CPNE8: variants seen among roughly 807,000 people sequenced by gnomAD.
The protein encoded by CPNE8 is copine 8, also known as copine-8.
A neutral mutation model predicts 81.5 loss-of-function variants in CPNE8; 45 were observed. The observed-to-expected ratio is 0.55, with a 90% CI of 0.44 to 0.71. The LOEUF (loss-of-function observed/expected upper bound fraction) is 0.71, where lower values mean the gene tolerates loss of function less well. CPNE8 is among the 30% of genes least tolerant of loss of function. The pLI is 0.00. For missense variants in CPNE8, 594 were observed against 672.1 expected (o/e 0.88, Z 1.28); for synonymous variants, 252 against 226.3 (o/e 1.11, Z -1.02).
intron 19 of CPNE8, among the ~76,000 whole-genome samples, chr12:38,667,551 T>C (rs1939084463): frequency 6.6e-6 from 1 of 152,136 alleles, no homozygotes; most frequent in African/African-American, 2.4e-5. Context: ...TAGAAATGAG[T>C]ACATCAAATC....
chr12:38,906,693 G>A, upstream of CPNE8: 5 of 764,062 alleles, frequency 6.5e-6, no homozygotes, highest in Non-Finnish European at 8.0e-6. Context: ...AGCATCCGGA[G>A]GTAGACGAGG....
upstream of CPNE8, chr12:38,906,370 T>C (rs1182362083): frequency 6.1e-6 from 6 of 985,426 alleles, no homozygotes; most frequent in South Asian, 9.4e-5. Flanking sequence ...ACAATACTAC[T>C]TGGGATTTAA....
chr12:38,808,316 C>T (rs7972132), intron 6 of CPNE8, among the ~76,000 whole-genome samples: 14,304 of 151,852 alleles, frequency 0.094, 816 homozygotes, highest in East Asian at 0.31. Flanking sequence ...ATGTTTATTG[C>T]ACGGCACTAT....
chr12:38,687,374 C>CTTTTTTTTT (rs61259310), intron 15 of CPNE8, among the ~76,000 whole-genome samples: 2 of 58,674 alleles, frequency 3.4e-5, no homozygotes, highest in Non-Finnish European at 7.2e-5. Flanking sequence ...CCAAGACTTT[C>CTTTTTTTTT]TTTTTTTTTT....
intron 1 of CPNE8, among the ~76,000 whole-genome samples, chr12:38,892,827 T>C (rs980467986): frequency 2.0e-5 from 3 of 152,182 alleles, no homozygotes; most frequent in African/African-American, 7.2e-5. Flanking sequence ...GGCACCGATA[T>C]CTATTCATAT....
At chr12:38,702,219 C>T (rs1565574260) in intron 14 of CPNE8, among the ~76,000 whole-genome samples, 1 of 152,116 alleles carries the variant, frequency 6.6e-6, no homozygotes, top group Non-Finnish European at 1.5e-5. Flanking sequence ...TCTGATGATA[C>T]ATAATAACTA....
chr12:38,668,757 AACAC>A (rs1245791690), intron 19 of CPNE8, among the ~76,000 whole-genome samples: 2 of 152,286 alleles, frequency 1.3e-5, no homozygotes, highest in East Asian at 3.9e-4. Context: ...TTATGAAAAA[AACAC>A]ATAATGGTCC....
chr12:38,761,238 T>C (rs1941565042), intron 9 of CPNE8, among the ~76,000 whole-genome samples: 1 of 152,196 alleles, frequency 6.6e-6, no homozygotes, highest in African/African-American at 2.4e-5. Context: ...ATCAGAATCA[T>C]ATGGAGCACT....
intron 10 of CPNE8, among the ~76,000 whole-genome samples, chr12:38,752,157 C>T (rs778260382): frequency 2.0e-5 from 3 of 152,090 alleles, no homozygotes; most frequent in Non-Finnish European, 4.4e-5. Context: ...GTTCTAGTGA[C>T]AATGGAGGCA....
intron 5 of CPNE8, 133 bp from the exon 6 acceptor site, chr12:38,829,588 T>C: frequency 3.1e-6 from 2 of 642,978 alleles, no homozygotes; most frequent in Non-Finnish European, 2.8e-6. Flanking sequence ...ATAAGTAAAA[T>C]AAGCTCAATA....
intron 1 of CPNE8, among the ~76,000 whole-genome samples, chr12:38,892,628 T>G (rs1047469808): frequency 6.6e-6 from 1 of 152,234 alleles, no homozygotes; most frequent in Non-Finnish European, 1.5e-5. Context: ...TGACTCACAG[T>G]GTTGGCTTAT....
chr12:38,902,342 A>G (rs111882591), intron 1 of CPNE8, among the ~76,000 whole-genome samples: 1 of 92,676 alleles, frequency 1.1e-5, no homozygotes, highest in Non-Finnish European at 2.0e-5. Context: ...GAAAGAAAGA[A>G]AGAAAGAAAG....
chr12:38,812,830 C>A (rs1379073739), intron 6 of CPNE8, among the ~76,000 whole-genome samples: 1 of 152,148 alleles, frequency 6.6e-6, no homozygotes, highest in Non-Finnish European at 1.5e-5. Context: ...TATAAAGATG[C>A]AGCAAGAAAG....
At chr12:38,730,862 A>T (rs565616202) in intron 10 of CPNE8, among the ~76,000 whole-genome samples, 433 of 150,936 alleles carry the variant, frequency 2.9e-3, no homozygotes, top group African/African-American at 9.6e-3. Context: ...CTTTTTTTCT[A>T]TAATAGTTAA....
intron 6 of CPNE8, among the ~76,000 whole-genome samples, chr12:38,811,098 A>G (rs1363301903): frequency 6.6e-6 from 1 of 152,112 alleles, no homozygotes; most frequent in Non-Finnish European, 1.5e-5. Context: ...TGGGTGTGAC[A>G]CCACATAGCT....
chr12:38,681,505 T>A (rs1939408677), intron 16 of CPNE8, among the ~76,000 whole-genome samples: 1 of 152,160 alleles, frequency 6.6e-6, no homozygotes. Flanking sequence ...TTTGTTTTAG[T>A]AGGTAGGATG....
intron 6 of CPNE8, among the ~76,000 whole-genome samples, chr12:38,789,958 G>A (rs1393888858): frequency 6.6e-6 from 1 of 151,702 alleles, no homozygotes; most frequent in African/African-American, 2.4e-5. Flanking sequence ...ATGCTAGCAA[G>A]AATGTGAAGA....
intron 6 of CPNE8, among the ~76,000 whole-genome samples, chr12:38,796,229 G>GT (rs1942468666): frequency 6.6e-6 from 1 of 152,168 alleles, no homozygotes; most frequent in South Asian, 2.1e-4. Flanking sequence ...AGGAGTTGCA[G>GT]TGAGCCAAGA....
chr12:38,820,038 CTG>C (rs762132909), intron 6 of CPNE8, among the ~76,000 whole-genome samples: 1 of 152,082 alleles, frequency 6.6e-6, no homozygotes, highest in Non-Finnish European at 1.5e-5. Context: ...GTAGAGGAAA[CTG>C]TAGTTTCTCT....
Sources: allele counts gnomAD v4.1 joint callset (sites outside exome capture counted in the v4.1 genomes callset), GRCh38; gene constraint gnomAD v4.1.1; transcripts MANE v1.5; gene names NCBI Gene and HGNC (gene_info 2026-07-23, HGNC 2026-07-21).